The following ADGRV1 variants were observed in gnomAD, a reference collection of about 807,000 sequenced individuals.
The protein encoded by ADGRV1 is G-protein coupled receptor 98.
In ADGRV1, 359 loss-of-function variants were observed where a neutral mutation model predicts 596.2. That is an observed-to-expected ratio of 0.60 (90% CI 0.55 to 0.66). ADGRV1 has a LOEUF of 0.66. ADGRV1 is among the 30% of genes least tolerant of loss of function. ADGRV1 has a pLI of 0.00. For missense variants in ADGRV1, 7,274 were observed against 7,575.6 expected (o/e 0.96, Z 1.48); for synonymous variants, 2,681 against 2,679.2 (o/e 1.00, Z -0.02).
At chr5:90,722,651 G>T (rs1751212471) in intron 45 of ADGRV1, among the ~76,000 whole-genome samples, 1 of 141,136 alleles carries the variant, frequency 7.1e-6, no homozygotes, top group South Asian at 2.3e-4. Flanking sequence ...GGAGGTGGAG[G>T]ATGCCGTGAG....
intron 59 of ADGRV1, among the ~76,000 whole-genome samples, chr5:90,766,644 G>C (rs944166678): frequency 6.6e-6 from 1 of 152,078 alleles, no homozygotes; most frequent in South Asian, 2.1e-4. Context: ...ACAGTGATAA[G>C]AAGTGAAGGC....
At chr5:91,061,162 C>T (rs950584203) in intron 85 of ADGRV1, among the ~76,000 whole-genome samples, 2 of 152,144 alleles carry the variant, frequency 1.3e-5, no homozygotes, top group South Asian at 2.1e-4. Flanking sequence ...TCTAGGACAA[C>T]GATATTTTCC....
At chr5:90,632,766 T>C (rs1351673984) in intron 9 of ADGRV1, among the ~76,000 whole-genome samples, 1 of 152,202 alleles carries the variant, frequency 6.6e-6, no homozygotes, top group Non-Finnish European at 1.5e-5. Flanking sequence ...AATTTCAGAC[T>C]CAATTCTTTA....
chr5:90,953,047 G>A (rs1581615653), intron 83 of ADGRV1, among the ~76,000 whole-genome samples: 1 of 152,090 alleles, frequency 6.6e-6, no homozygotes, highest in Non-Finnish European at 1.5e-5. Context: ...CCAAGTGTAC[G>A]GGAACACTGG....
chr5:91,008,542 C>T (rs771918680), intron 85 of ADGRV1, among the ~76,000 whole-genome samples: 2 of 151,988 alleles, frequency 1.3e-5, no homozygotes, highest in Non-Finnish European at 2.9e-5. Context: ...CTCGCTCTGT[C>T]ACCCAGGCTG....
At chr5:90,669,985 A>G (rs576694709) in intron 21 of ADGRV1, among the ~76,000 whole-genome samples, 1 of 152,208 alleles carries the variant, frequency 6.6e-6, no homozygotes, top group Non-Finnish European at 1.5e-5. Context: ...GTTTTCGAAT[A>G]CCATTTGTAT....
intron 29 of ADGRV1, among the ~76,000 whole-genome samples, chr5:90,686,945 T>G (rs558380310): frequency 1.7e-4 from 26 of 152,346 alleles, no homozygotes; most frequent in African/African-American, 5.8e-4. Context: ...TGGTTTTGAT[T>G]TGCATTTCTC....
At position 90,851,134 on chromosome 5, in the gene ADGRV1, T is replaced by TGAGA. The variant is rs141999531; in HGVS notation, c.17205-2119_17205-2116dup. On this transcript the variant is annotated intron_variant, in intron 79 of 89. Coordinates refer to ENST00000405460, the MANE Select transcript of ADGRV1 (RefSeq NM_032119.4). Reference sequence around the variant, plus strand: ...GTGTGTGTGTGTGTGTGTGTGTGTGTGAGAGAGAGAGAGAGAGAGAGAGAG... The same window carrying TGAGA: ...GTGTGTGTGTGTGTGTGTGTGTGTGTGAGAGAGAGAGAGAGAGAGAGAGAGAGAG... Among the ~76,000 whole-genome samples the TGAGA allele has an allele frequency of 2.9e-4, 24 of 81,510 alleles. 1 individual carries two copies. The highest frequency in any genetic ancestry group is 7.4e-4 in the Admixed American group (4 of 5,398). The allele number at this position is 81,510 out of a possible 152,430, so 53.5% of individuals were successfully genotyped here.
intron 50 of ADGRV1, among the ~76,000 whole-genome samples, chr5:90,742,179 A>T (rs1296633650): frequency 6.6e-6 from 1 of 152,228 alleles, no homozygotes; most frequent in African/African-American, 2.4e-5. Flanking sequence ...GAAGAGAGAT[A>T]TTATGTATAA....
intron 70 of ADGRV1, among the ~76,000 whole-genome samples, chr5:90,795,393 G>A (rs1430021866): frequency 1.3e-5 from 2 of 152,162 alleles, no homozygotes; most frequent in African/African-American, 2.4e-5. Context: ...CAGAAAGTTC[G>A]AACTGGGCTG....
intron 85 of ADGRV1, among the ~76,000 whole-genome samples, chr5:91,071,195 CA>C (rs893254213): frequency 4.6e-5 from 7 of 152,192 alleles, no homozygotes; most frequent in African/African-American, 1.7e-4. Context: ...TCCTCCTATG[CA>C]GGAGCAACAA....
At position 90,822,830 on chromosome 5, in the gene ADGRV1, G is replaced by T. The variant is rs374842998; in HGVS notation, c.16197-595G>T. Among the ~76,000 whole-genome samples the T allele has an allele frequency of 7.2e-5, 11 of 152,194 alleles. No homozygotes were observed. In the East Asian group the frequency reaches 1.5e-3, roughly 21 times the overall value. On this transcript the variant is annotated intron_variant, in intron 75 of 89. Transcript: ENST00000405460. ...TGAGCAGTGGTTTATAGTTCTCCTT[G>T]AAGAGGTCCTTCACATCCCTTGTAA... is the stretch of plus-strand genomic sequence containing the variant.
chr5:90,717,843 G>C (rs1252088924), intron 43 of ADGRV1: 1 of 152,090 alleles, frequency 6.6e-6, no homozygotes, highest in Non-Finnish European at 1.5e-5. Flanking sequence ...TAAAAATGGG[G>C]TTTCACCATA....
chr5:90,868,291 A>AT (rs1561872081), intron 83 of ADGRV1, among the ~76,000 whole-genome samples: 1 of 151,990 alleles, frequency 6.6e-6, no homozygotes, highest in Admixed American at 6.6e-5. Context: ...CCATTAATTA[A>AT]TTTTTTTAGT....
At chr5:91,016,027 C>T (rs927292196) in intron 85 of ADGRV1, among the ~76,000 whole-genome samples, 1 of 151,910 alleles carries the variant, frequency 6.6e-6, no homozygotes, top group African/African-American at 2.4e-5. Flanking sequence ...TTTAGTGCTC[C>T]TTTCAAGATC....
chr5:90,688,950 A>G (rs1263435654), intron 29 of ADGRV1, among the ~76,000 whole-genome samples: 2 of 152,166 alleles, frequency 1.3e-5, no homozygotes, highest in Non-Finnish European at 2.9e-5. Flanking sequence ...ACTATTTTAT[A>G]TATAAGAAAA....
chr5:91,070,816 T>C (rs1788323348), intron 85 of ADGRV1, among the ~76,000 whole-genome samples: 2 of 152,048 alleles, frequency 1.3e-5, no homozygotes, highest in Non-Finnish European at 2.9e-5. Context: ...AATGGAAAAA[T>C]TATCTTCATT....
intron 60 of ADGRV1, 82 bp from the exon 61 acceptor site, chr5:90,776,371 A>G: frequency 7.7e-7 from 1 of 1,302,560 alleles, no homozygotes; most frequent in Admixed American, 2.0e-5. Flanking sequence ...TCCTGTGTGT[A>G]AAGTGCTTAG....
At chr5:90,710,469 T>C (rs1276497400) in intron 39 of ADGRV1, among the ~76,000 whole-genome samples, 2 of 152,200 alleles carry the variant, frequency 1.3e-5, no homozygotes, top group African/African-American at 2.4e-5. Flanking sequence ...CTCTCTTGAC[T>C]TCACCAAACT....
Sources: allele counts gnomAD v4.1 joint callset (sites outside exome capture counted in the v4.1 genomes callset), GRCh38; gene constraint gnomAD v4.1.1; transcripts MANE v1.5; gene names NCBI Gene and HGNC (gene_info 2026-07-23, HGNC 2026-07-21).